HSPA4: variants seen among roughly 807,000 people sequenced by gnomAD.
HSPA4 encodes the protein heat shock protein family A (Hsp70) member 4.
In HSPA4, 25 loss-of-function variants were observed where a neutral mutation model predicts 106.2. The ratio of observed to expected loss-of-function variants is 0.24; its 90% CI spans 0.17 to 0.33. The LOEUF is 0.33. Ranked by LOEUF, HSPA4 falls within the 10% of genes least tolerant of loss-of-function variation. HSPA4 has a pLI of 1.00. For synonymous variants in HSPA4, 332 were observed against 333.6 expected, an observed-to-expected ratio of 1.00 and a Z score of 0.05; for missense variants, 841 against 996.0, an observed-to-expected ratio of 0.84 and a Z score of 2.10.
At chr5:133,087,591 T>C (rs1765593572) in intron 8 of HSPA4, among the ~76,000 whole-genome samples, 1 of 152,214 alleles carries the variant, frequency 6.6e-6, no homozygotes, top group African/African-American at 2.4e-5. Flanking sequence ...TTCTTTCTGA[T>C]ACGAAGAAAC....
intron 1 of HSPA4, among the ~76,000 whole-genome samples, chr5:133,062,875 C>T (rs972834151): frequency 9.9e-5 from 15 of 152,134 alleles, no homozygotes; most frequent in African/African-American, 3.6e-4. Context: ...CAGCATTCTG[C>T]CAGTTTCCAC....
chr5:133,089,494 C>A, intron 10 of HSPA4, 68 bp from the exon 11 acceptor site: 2 of 1,426,728 alleles, frequency 1.4e-6, no homozygotes, highest in Non-Finnish European at 1.9e-6. Context: ...AATTACAAAC[C>A]TAGAACACAT....
In HSPA4 at chr5:133,091,261, C is replaced by G; in HGVS notation, c.1447C>G (p.Arg483Gly). 1.2e-6 allele frequency: 2 copies of G among 1,613,810 alleles called. No homozygotes were observed. Among genetic ancestry groups the G allele is most frequent in the Non-Finnish European group, 1.7e-6 (2 of 1,179,800 alleles). ...GSSSKVKVKV[R>G]VNVHGIFSVS... ...CAGTTCAAAAGTGAAAGTCAAAGTTCGAGTAAATGTCCATGGCATTTTCAG... is the reference window on the plus strand; with the variant it reads ...CAGTTCAAAAGTGAAAGTCAAAGTTGGAGTAAATGTCCATGGCATTTTCAG... Residue 483 changes from arginine to glycine, a missense_variant, in exon 12 of 19, where the codon CGA becomes GGA. Arg to Gly is a moderately radical substitution (Grantham distance 125). Around this residue, in one of 5 missense-constraint regions of HSPA4, gnomAD observed 162 missense variants for 177.7 expected, o/e 0.91. Transcript: ENST00000304858.
At chr5:133,068,822 A>G (rs1765345279) in intron 3 of HSPA4, among the ~76,000 whole-genome samples, 1 of 152,220 alleles carries the variant, frequency 6.6e-6, no homozygotes, top group Non-Finnish European at 1.5e-5. Context: ...GCAAGAAGCA[A>G]AGGAGAAAAA....
intron 1 of HSPA4, among the ~76,000 whole-genome samples, chr5:133,053,946 C>G (rs1765125666): frequency 6.6e-6 from 1 of 152,094 alleles, no homozygotes; most frequent in Non-Finnish European, 1.5e-5. Flanking sequence ...AGGCGTGAGT[C>G]ACGGTGCCCG....
chr5:133,053,916 T>G (rs1765124264), intron 1 of HSPA4, among the ~76,000 whole-genome samples: 1 of 151,648 alleles, frequency 6.6e-6, no homozygotes, highest in South Asian at 2.1e-4. Context: ...CGCCTCGGCC[T>G]CCCAAAGTGC....
At chr5:133,094,645 G>A (rs1047685859) in intron 13 of HSPA4, among the ~76,000 whole-genome samples, 1 of 152,174 alleles carries the variant, frequency 6.6e-6, no homozygotes, top group African/African-American at 2.4e-5. Context: ...CTTCCCCAAT[G>A]CCTTTGAGCT....
chr5:133,095,786 G>A (rs1255012397), intron 13 of HSPA4, among the ~76,000 whole-genome samples: 4 of 152,168 alleles, frequency 2.6e-5, no homozygotes, highest in Admixed American at 6.5e-5. Flanking sequence ...ACATTGTGGT[G>A]TAACCAATCT....
chr5:133,076,631 T>G, intron 6 of HSPA4, 23 bp from the exon 7 acceptor site: 1 of 1,603,000 alleles, frequency 6.2e-7, no homozygotes, highest in Non-Finnish European at 8.5e-7. Flanking sequence ...AATTGTTAGA[T>G]TAATTCTCAT....
intron 11 of HSPA4, 145 bp downstream of exon 11, chr5:133,089,840 C>G: frequency 2.0e-6 from 1 of 512,634 alleles, no homozygotes; most frequent in Non-Finnish European, 3.3e-6. Flanking sequence ...ATAGTGGGAC[C>G]CTGTCTCCAT....
At chr5:133,078,634 CCAAAAAAA>C (rs1360803170) in intron 7 of HSPA4, among the ~76,000 whole-genome samples, 267 of 77,568 alleles carry the variant, frequency 3.4e-3, no homozygotes, top group African/African-American at 0.012. Flanking sequence ...GACACTGTCT[CCAAAAAAA>C]AAAAAAAAAA....
At position 133,103,877 on chromosome 5, in the gene HSPA4, G is replaced by C; in HGVS notation, c.2170G>C (p.Asp724His). 6.2e-7 allele frequency: 1 copy of C among 1,613,646 alleles called. No homozygotes were observed. The highest frequency in any genetic ancestry group is 8.5e-7 in the Non-Finnish European group (1 of 1,179,886). ...SSFKNKEDQYDHLDAADMTKV... is the reference protein window; with the variant it reads ...SSFKNKEDQYHHLDAADMTKV... Reference sequence around the variant, plus strand: ...CTCCTGGTTGCAGGAGGACCAGTATGATCATTTGGATGCTGCTGACATGAC... The same window carrying C: ...CTCCTGGTTGCAGGAGGACCAGTATCATCATTTGGATGCTGCTGACATGAC... Residue 724 changes from aspartate (D) to histidine (H), a missense_variant, in exon 18 of 19, where the codon GAT (aspartate) becomes CAT (histidine). By Grantham distance (81) the Asp-to-His change is moderately conservative (BLOSUM62 -1). Around this residue, in one of 5 missense-constraint regions of HSPA4, gnomAD observed 328 missense variants for 372.2 expected, o/e 0.88. Transcript: ENST00000304858.
chr5:133,102,307 T>C (rs1765795474), intron 17 of HSPA4, among the ~76,000 whole-genome samples: 1 of 152,240 alleles, frequency 6.6e-6, no homozygotes, highest in Non-Finnish European at 1.5e-5. Context: ...GCACTTTTTA[T>C]TTTGGATATT....
Position 133,105,123 on chromosome 5 carries a change from T to C in HSPA4, c.*687T>C, listed in dbSNP as rs1326285399. On this transcript the variant is annotated 3_prime_UTR_variant, in exon 19 of 19. Transcript: ENST00000304858. ...CTCTTCCTGAAAGTATGTTCATGAA[T>C]ACCCCAAGCATCAAGGTCTAAATAA... 1 of 152,240 alleles carries C rather than the reference T, an allele frequency of 6.6e-6. No homozygotes were observed. The highest frequency in any genetic ancestry group is 1.5e-5 in the Non-Finnish European group (1 of 68,046). 9.4% of individuals were successfully genotyped at this position (152,240 alleles called of 1,614,324 possible). A position where few individuals can be genotyped will look rare whatever the true frequency, so the allele number is the denominator to read the frequency against.
At chr5:133,078,348 A>G (rs1464516744) in intron 7 of HSPA4, among the ~76,000 whole-genome samples, 1 of 151,016 alleles carries the variant, frequency 6.6e-6, no homozygotes, top group Non-Finnish European at 1.5e-5. Context: ...AAAAAAAAAT[A>G]GTTGTACTGT....
At chr5:133,078,515 A>G (rs1358500766) in intron 7 of HSPA4, among the ~76,000 whole-genome samples, 2 of 147,750 alleles carry the variant, frequency 1.4e-5, no homozygotes, top group African/African-American at 5.0e-5. Flanking sequence ...GGCGCCTGTA[A>G]TCCCAGCTAC....
At position 133,089,046 on chromosome 5, in the gene HSPA4, T is replaced by C. The variant is rs773206585; in HGVS notation, c.1138-9T>C. The stretch of plus-strand genomic sequence containing the variant: ...TGTTAAACGGAATTTTTGAAAATTA[T>C]TATTCTAGTGTGCCATCTTATCGCC... On this transcript the variant is annotated splice_polypyrimidine_tract_variant and intron_variant, in intron 9 of 18. Coordinates refer to ENST00000304858, the MANE Select transcript of HSPA4 (RefSeq NM_002154.4). 1 of 1,527,326 alleles carries C rather than the reference T, an allele frequency of 6.5e-7. No homozygotes were observed. The highest frequency in any genetic ancestry group is 9.0e-7 in the Non-Finnish European group (1 of 1,115,958). 94.6% of individuals were successfully genotyped at this position (1,527,326 alleles called of 1,614,324 possible).
chr5:133,082,765 A>G (rs190027362), intron 7 of HSPA4, among the ~76,000 whole-genome samples: 41 of 152,288 alleles, frequency 2.7e-4, no homozygotes, highest in Non-Finnish European at 4.9e-4. Flanking sequence ...CCGGACGGGA[A>G]TTATATACTT....
intron 2 of HSPA4, 49 bp from the exon 3 acceptor site, chr5:133,067,365 TAAA>T: frequency 7.4e-7 from 1 of 1,347,984 alleles, no homozygotes; most frequent in Non-Finnish European, 1.0e-6. Flanking sequence ...GCTGTTGAAA[TAAA>T]AAAAAAATTA....
Sources: gnomAD v4.1 joint callset for allele counts (sites outside exome capture counted in the v4.1 genomes callset) on GRCh38, gnomAD v4.1.1 for gene constraint, gnomAD v4.1.1 regional missense constraint, MANE v1.5 for transcripts, NCBI Gene and HGNC (gene_info 2026-07-23, HGNC 2026-07-21) for gene names.